TMEM217B: variants seen among roughly 807,000 people sequenced by gnomAD.
TMEM217B encodes putative transmembrane protein 217B.
chr6:37,257,583 C>T, the TMEM217B span: 1 of 377,892 alleles, frequency 2.6e-6, no homozygotes, highest in East Asian at 5.4e-5. Context: ...TCTTCCCTCT[C>T]GCGGGTAGGA....
the TMEM217B span, among the ~76,000 whole-genome samples, chr6:37,245,800 CTTTCTT>C: frequency 0.017 from 1,099 of 65,434 alleles, 8 homozygotes; most frequent in African/African-American, 0.038. Context: ...TTCTTTCTTT[CTTTCTT>C]TTTTTTTTTT....
chr6:37,247,093 G>C, the TMEM217B span, among the ~76,000 whole-genome samples: 1 of 152,156 alleles, frequency 6.6e-6, no homozygotes, highest in Non-Finnish European at 1.5e-5. Flanking sequence ...AACTGGCAAT[G>C]AATGTCCCAT....
the TMEM217B span, among the ~76,000 whole-genome samples, chr6:37,215,880 G>A: frequency 1.3e-5 from 2 of 152,262 alleles, no homozygotes; most frequent in Non-Finnish European, 2.9e-5. Flanking sequence ...AGTTTGCCTT[G>A]GCTTGAGCAG....
chr6:37,239,402 G>A, the TMEM217B span, among the ~76,000 whole-genome samples: 5 of 152,058 alleles, frequency 3.3e-5, no homozygotes. Context: ...TTGAGCCCAG[G>A]AGGCCGAGGC....
the TMEM217B span, chr6:37,218,238 C>A: frequency 7.5e-7 from 1 of 1,325,334 alleles, no homozygotes. Context: ...GGCGCAATCT[C>A]GGCTCACTGC....
chr6:37,242,851 A>G, the TMEM217B span, among the ~76,000 whole-genome samples: 1 of 152,192 alleles, frequency 6.6e-6, no homozygotes, highest in South Asian at 2.1e-4. Context: ...GACTCACACC[A>G]GTATCCCAGG....
At chr6:37,215,994 G>GGTGTGTGTGTGT in the TMEM217B span, among the ~76,000 whole-genome samples, 1 of 149,082 alleles carries the variant, frequency 6.7e-6, no homozygotes, top group South Asian at 2.1e-4. Flanking sequence ...GGTTCTTCAG[G>GGTGTGTGTGTGT]GTGTGTGTGT....
At chr6:37,223,988 A>G in the TMEM217B span, among the ~76,000 whole-genome samples, 1 of 148,016 alleles carries the variant, frequency 6.8e-6, no homozygotes, top group Non-Finnish European at 1.5e-5. Flanking sequence ...CCAGGCTGGA[A>G]TGCAGTGGCA....
chr6:37,256,729 A>T, the TMEM217B span, among the ~76,000 whole-genome samples: 2 of 95,298 alleles, frequency 2.1e-5, no homozygotes, highest in South Asian at 7.9e-4. Flanking sequence ...TACATGTGGT[A>T]GCTGTAAATG....
the TMEM217B span, among the ~76,000 whole-genome samples, chr6:37,245,104 A>G: frequency 6.6e-6 from 1 of 152,236 alleles, no homozygotes; most frequent in Non-Finnish European, 1.5e-5. Flanking sequence ...AAAGTAAGTC[A>G]AAAGGGTGAG....
chr6:37,223,718 A>G, the TMEM217B span, among the ~76,000 whole-genome samples: 2 of 152,134 alleles, frequency 1.3e-5, no homozygotes, highest in Admixed American at 6.6e-5. Context: ...CATGTTGGTC[A>G]GGCTGCTCTC....
At chr6:37,235,064 G>C in the TMEM217B span, among the ~76,000 whole-genome samples, 1 of 152,124 alleles carries the variant, frequency 6.6e-6, no homozygotes, top group Non-Finnish European at 1.5e-5. Context: ...ACTGCAAAAT[G>C]GTTAAAGCTG....
At chr6:37,254,787 A>G in the TMEM217B span, among the ~76,000 whole-genome samples, 1 of 152,192 alleles carries the variant, frequency 6.6e-6, no homozygotes, top group Admixed American at 6.5e-5. Flanking sequence ...GGGGTTCACG[A>G]TCTCTAGGGC....
At chr6:37,248,906 C>T in the TMEM217B span, among the ~76,000 whole-genome samples, 2 of 152,182 alleles carry the variant, frequency 1.3e-5, no homozygotes, top group Non-Finnish European at 2.9e-5. Context: ...ATCAAGTAAA[C>T]TCATGCTTCA....
the TMEM217B span, among the ~76,000 whole-genome samples, chr6:37,228,595 T>C: frequency 9.9e-5 from 15 of 152,132 alleles, no homozygotes; most frequent in African/African-American, 3.6e-4. Context: ...TCCCAGATAC[T>C]CGGGAGGCTG....
chr6:37,220,870 A>G, the TMEM217B span, among the ~76,000 whole-genome samples: 5 of 152,130 alleles, frequency 3.3e-5, no homozygotes, highest in Admixed American at 1.3e-4. Context: ...TATGATTACT[A>G]TATTTTTGCA....
At chr6:37,253,797 T>C in the TMEM217B span, among the ~76,000 whole-genome samples, 1 of 152,208 alleles carries the variant, frequency 6.6e-6, no homozygotes, top group Admixed American at 6.5e-5. Flanking sequence ...TGAAGTGACT[T>C]TCCTCCTATA....
At chr6:37,215,628 C>T in the TMEM217B span, among the ~76,000 whole-genome samples, 1 of 137,166 alleles carries the variant, frequency 7.3e-6, no homozygotes, top group East Asian at 2.0e-4. Context: ...ACTTACAATG[C>T]AACGTGATAA....
the TMEM217B span, among the ~76,000 whole-genome samples, chr6:37,219,922 C>T: frequency 7.9e-5 from 12 of 152,072 alleles, no homozygotes; most frequent in Non-Finnish European, 4.4e-5. Context: ...TTTGGGCAAT[C>T]GCTTCTCTAC....
Sources: gnomAD v4.1 joint callset for allele counts (sites outside exome capture counted in the v4.1 genomes callset) on GRCh38, gnomAD v4.1.1 for gene constraint, MANE v1.5 for transcripts, NCBI Gene and HGNC (gene_info 2026-07-23, HGNC 2026-07-21) for gene names.